PRDM5: variants seen among roughly 807,000 people sequenced by gnomAD.
PRDM5 encodes the protein PR/SET domain 5.
A neutral mutation model predicts 81.2 loss-of-function variants in PRDM5; 56 were observed. That is an observed-to-expected ratio of 0.69 (90% confidence interval 0.56 to 0.86). PRDM5 has a LOEUF of 0.86. Ranked by LOEUF, PRDM5 falls within the 40% of genes least tolerant of loss-of-function variation. The pLI, the probability that PRDM5 is intolerant of heterozygous loss-of-function variation, is 0.00. For missense variants in PRDM5, 697 were observed against 770.1 expected (o/e 0.91, Z 1.12); for synonymous variants, 267 against 256.4 (o/e 1.04, Z -0.39).
chr4:120,843,195 G>A (rs944510598), intron 3 of PRDM5, among the ~76,000 whole-genome samples: 21 of 152,124 alleles, frequency 1.4e-4, no homozygotes, highest in East Asian at 7.7e-4. Flanking sequence ...TCAGCCAGGC[G>A]TGATGATGTG....
At chr4:120,844,991 C>CT in intron 3 of PRDM5, among the ~76,000 whole-genome samples, 1 of 152,228 alleles carries the variant, frequency 6.6e-6, no homozygotes, top group Middle Eastern at 3.2e-3. Context: ...ACAACATTCT[C>CT]TTAAGCCAAA....
At chr4:120,706,797 C>T (rs1578423929) in intron 15 of PRDM5, among the ~76,000 whole-genome samples, 1 of 147,692 alleles carries the variant, frequency 6.8e-6, no homozygotes, top group East Asian at 2.0e-4. Flanking sequence ...ATCATGGTTA[C>T]CCAATTTGCC....
At chr4:120,712,700 T>C (rs939575655) in intron 14 of PRDM5, among the ~76,000 whole-genome samples, 4 of 152,246 alleles carry the variant, frequency 2.6e-5, no homozygotes, top group African/African-American at 7.2e-5. Context: ...TGTGTTCTGT[T>C]GAGATGTACT....
At chr4:120,732,929 T>G (rs184120617) in intron 14 of PRDM5, among the ~76,000 whole-genome samples, 7 of 152,236 alleles carry the variant, frequency 4.6e-5, no homozygotes, top group Non-Finnish European at 1.0e-4. Flanking sequence ...GCACTCAAAA[T>G]AGGTCACAAA....
chr4:120,717,181 G>C (rs956025022), intron 14 of PRDM5, among the ~76,000 whole-genome samples: 1 of 151,878 alleles, frequency 6.6e-6, no homozygotes, highest in Admixed American at 6.6e-5. Context: ...TTAGGTTCTT[G>C]ATTAATTCTG....
chr4:120,895,133 G>C (rs1489301082), intron 2 of PRDM5, among the ~76,000 whole-genome samples: 1 of 152,150 alleles, frequency 6.6e-6, no homozygotes, highest in African/African-American at 2.4e-5. Flanking sequence ...GTAAAATCAA[G>C]AATTTTGTGC....
At chr4:120,804,739 G>C (rs561970538) in intron 8 of PRDM5, among the ~76,000 whole-genome samples, 114 of 152,252 alleles carry the variant, frequency 7.5e-4, no homozygotes, top group Non-Finnish European at 1.1e-3. Flanking sequence ...ATGCCCACAA[G>C]AGAAAGCAGG....
intron 1 of PRDM5, among the ~76,000 whole-genome samples, chr4:120,915,490 T>C (rs1397170118): frequency 6.6e-6 from 1 of 151,982 alleles, no homozygotes; most frequent in Non-Finnish European, 1.5e-5. Flanking sequence ...ACTTCCTCAG[T>C]GATGCTGTCA....
rs1332721032 is a variant in PRDM5 at position 120,716,614 on chromosome 4, C to T, written c.1624-6201G>A. Among the ~76,000 whole-genome samples, 5 of 152,158 alleles carry T rather than the reference C, an allele frequency of 3.3e-5. No individual in the cohort carries two copies. In the East Asian group the frequency reaches 5.8e-4, roughly 18 times the overall value. On this transcript the variant is annotated intron_variant, in intron 14 of 15. Coordinates refer to ENST00000264808, the MANE Select transcript of PRDM5 (RefSeq NM_018699.4). ...GATCTTACACAGAGCCTGCACTATT[C>T]CTGAAGATATCACAAGAAGATATAT...
intron 14 of PRDM5, among the ~76,000 whole-genome samples, chr4:120,753,774 G>A (rs1268328317): frequency 2.0e-5 from 3 of 152,036 alleles, no homozygotes; most frequent in African/African-American, 7.2e-5. Flanking sequence ...AAGAAACTGT[G>A]AAAGATAATG....
At chr4:120,703,410 G>A (rs1735662822) in intron 15 of PRDM5, among the ~76,000 whole-genome samples, 1 of 152,002 alleles carries the variant, frequency 6.6e-6, no homozygotes, top group Admixed American at 6.6e-5. Context: ...GATTGGTCTT[G>A]AACTCCTGGG....
rs774139642 is a variant in PRDM5 at position 120,818,462 on chromosome 4, T to C, written c.541A>G (p.Ile181Val). The change falls in exon 5 of 16, where the codon ATT becomes GTT. Residue 181 changes from isoleucine (I) to valine (V), a missense_variant. By Grantham distance (29) the Ile-to-Val change is conservative (BLOSUM62 3). Around this residue, in one of 3 missense-constraint regions of PRDM5, gnomAD observed 577 missense variants for 606.7 expected, o/e 0.95. Coordinates refer to ENST00000264808, the MANE Select transcript of PRDM5 (RefSeq NM_018699.4). ...QCESSFTSEDILAEHLQTLHQ... is the reference protein window; with the variant it reads ...QCESSFTSEDVLAEHLQTLHQ... ...AATGTCTGGAGATGCTCAGCAAGAATATCCTCACTGGTAAAACTCGATTCA... is the reference window on the plus strand; with the variant it reads ...AATGTCTGGAGATGCTCAGCAAGAACATCCTCACTGGTAAAACTCGATTCA... 6.2e-7 allele frequency: 1 copy of C among 1,613,734 alleles called. No individual in the cohort carries two copies. Among genetic ancestry groups the C allele is most frequent in the Non-Finnish European group, 8.5e-7 (1 of 1,179,642 alleles).
intron 13 of PRDM5, among the ~76,000 whole-genome samples, chr4:120,757,701 T>TCTC (rs778765737): frequency 6.6e-6 from 1 of 151,942 alleles, no homozygotes. Flanking sequence ...CCTCTCTTTC[T>TCTC]CTCCTCCTCC....
At chr4:120,917,890 T>A (rs1476286382) in intron 1 of PRDM5, among the ~76,000 whole-genome samples, 1 of 152,184 alleles carries the variant, frequency 6.6e-6, no homozygotes, top group African/African-American at 2.4e-5. Context: ...GTATATGGAA[T>A]GACCTGAGTT....
chr4:120,838,882 G>C, intron 3 of PRDM5: 1 of 274,678 alleles, frequency 3.6e-6, no homozygotes, highest in East Asian at 6.5e-5. Context: ...AGACTGCATG[G>C]AGCGGCAAGG....
intron 8 of PRDM5, among the ~76,000 whole-genome samples, chr4:120,808,810 G>T (rs141052360): frequency 0.2 from 30,155 of 152,144 alleles, 3,650 homozygotes; most frequent in Non-Finnish European, 0.28. Context: ...GCTGGCCCAG[G>T]TGCTAAGTCC....
chr4:120,823,159 T>C (rs1357031804), intron 3 of PRDM5, among the ~76,000 whole-genome samples: 1 of 152,172 alleles, frequency 6.6e-6, no homozygotes, highest in Non-Finnish European at 1.5e-5. Flanking sequence ...TCCATGAAAG[T>C]TAATTGAACC....
At chr4:120,732,632 A>C (rs138603510) in intron 14 of PRDM5, among the ~76,000 whole-genome samples, 3,242 of 152,252 alleles carry the variant, frequency 0.021, 49 homozygotes, top group Non-Finnish European at 0.032. Flanking sequence ...ATAATTTTAT[A>C]TAACATATTA....
chr4:120,784,874 T>C (rs1749540605), intron 11 of PRDM5, 124 bp downstream of exon 11: 3 of 698,740 alleles, frequency 4.3e-6, no homozygotes, highest in Non-Finnish European at 6.9e-6. Context: ...GTCTTTCTTA[T>C]GTTTACAGTC....
Sources: allele counts gnomAD v4.1 joint callset (sites outside exome capture counted in the v4.1 genomes callset), GRCh38; gene constraint gnomAD v4.1.1; regional missense constraint gnomAD v4.1.1; transcripts MANE v1.5; gene names NCBI Gene and HGNC (gene_info 2026-07-23, HGNC 2026-07-21).